Variants in EYA2 observed in about 807,000 individuals in gnomAD.
EYA2 encodes EYA transcriptional coactivator and phosphatase 2.
EYA2 carries 31 observed loss-of-function variants against 69.2 expected under a neutral mutation model. The ratio of observed to expected loss-of-function variants is 0.45; its 90% CI spans 0.34 to 0.60. The LOEUF is 0.60. EYA2 is among the 20% of genes least tolerant of loss of function. The pLI, the probability that EYA2 is intolerant of heterozygous loss-of-function variation, is 0.02. For missense variants in EYA2, 622 were observed against 701.2 expected, an observed-to-expected ratio of 0.89 and a Z score of 1.28; for synonymous variants, 257 against 279.4, an observed-to-expected ratio of 0.92 and a Z score of 0.80.
Position 47,172,589 on chromosome 20 carries a change from G to GAGGGGCTC in EYA2, c.1038-116_1038-109dup, listed in dbSNP as rs549732266. 543 of 1,008,874 alleles carry GAGGGGCTC rather than the reference G, an allele frequency of 5.4e-4. 4 individuals carry two copies. The South Asian group carries it at 8.8e-3, about 16-fold the overall frequency. 62.5% of individuals were successfully genotyped at this position (1,008,874 alleles called of 1,614,324 possible). A position where few individuals can be genotyped will look rare whatever the true frequency, so the allele number is the denominator to read the frequency against. On this transcript the variant is annotated intron_variant, in intron 11 of 15. Transcript: ENST00000327619. ...ACACTCGCAGCACCCTGTGCATTTC[G>GAGGGGCTC]AGGGGCTCATGGACACCCAAAAGCC...
At chr20:46,911,234 TG>T in intron 1 of EYA2, among the ~76,000 whole-genome samples, 1 of 93,044 alleles carries the variant, frequency 1.1e-5, no homozygotes, top group African/African-American at 4.8e-5. Flanking sequence ...GGATAATTTG[TG>T]TGTGTGTGTG....
intron 1 of EYA2, among the ~76,000 whole-genome samples, chr20:46,924,372 G>A (rs1217252536): frequency 6.6e-6 from 1 of 152,098 alleles, no homozygotes; most frequent in Non-Finnish European, 1.5e-5. Context: ...CTATCATTCA[G>A]AAAGGCCCCA....
At chr20:46,924,618 C>T (rs752407812) in intron 1 of EYA2, among the ~76,000 whole-genome samples, 8 of 137,144 alleles carry the variant, frequency 5.8e-5, no homozygotes, top group Non-Finnish European at 9.0e-5. Flanking sequence ...TGCAGTGAGC[C>T]GAAATCGCGC....
chr20:47,148,415 G>A (rs1289774317), intron 10 of EYA2, among the ~76,000 whole-genome samples: 1 of 152,210 alleles, frequency 6.6e-6, no homozygotes, highest in African/African-American at 2.4e-5. Context: ...GGATAGGCAA[G>A]TGGGGGTTCT....
chr20:46,949,407 C>CAG (rs1978665382), intron 1 of EYA2, among the ~76,000 whole-genome samples: 1 of 152,144 alleles, frequency 6.6e-6, no homozygotes, highest in Non-Finnish European at 1.5e-5. Flanking sequence ...ACAGTCAAGA[C>CAG]TTTCAGGTAA....
Position 46,948,645 on chromosome 20 carries a change from G to A in EYA2, c.-10-41356G>A, listed in dbSNP as rs533521745. On this transcript the variant is annotated intron_variant, in intron 1 of 15. Coordinates refer to ENST00000327619, the MANE Select transcript of EYA2 (RefSeq NM_005244.5). ...CTGTTTTTCTGGTGATAAATACTCT[G>A]TTCAAGATGCATACGTTATTGTGTT... 3.9e-5 allele frequency among the ~76,000 whole-genome samples: 6 copies of A among 152,266 alleles called. No individual in the cohort carries two copies. In the South Asian group the frequency reaches 1.2e-3, roughly 32 times the overall value.
At chr20:47,013,964 C>G (rs1375450888) in intron 4 of EYA2, among the ~76,000 whole-genome samples, 2 of 152,176 alleles carry the variant, frequency 1.3e-5, no homozygotes, top group African/African-American at 4.8e-5. Context: ...TCAGAGTTAT[C>G]CGCCAATTGC....
At chr20:47,004,901 A>G in intron 3 of EYA2, 41 bp from the exon 4 acceptor site, 1 of 1,614,116 alleles carries the variant, frequency 6.2e-7, no homozygotes, top group Non-Finnish European at 8.5e-7. Context: ...AAGGGGTGCC[A>G]GACTGGGCCT....
chr20:47,008,697 T>C (rs1045448542), intron 4 of EYA2, among the ~76,000 whole-genome samples: 12 of 152,232 alleles, frequency 7.9e-5, no homozygotes, highest in Admixed American at 2.6e-4. Context: ...GAGTAGATGA[T>C]AAGAGCACAT....
At chr20:47,010,425 A>G (rs1320708897) in intron 4 of EYA2, among the ~76,000 whole-genome samples, 1 of 152,130 alleles carries the variant, frequency 6.6e-6, no homozygotes, top group East Asian at 1.9e-4. Context: ...TGGTGGGCTC[A>G]GGTTCCAGGA....
intron 5 of EYA2, among the ~76,000 whole-genome samples, chr20:47,069,305 C>G (rs1315299502): frequency 6.6e-6 from 1 of 152,048 alleles, no homozygotes; most frequent in Non-Finnish European, 1.5e-5. Flanking sequence ...ACCAGCCTGG[C>G]CAACATAGTA....
At chr20:47,093,306 C>T (rs1362134138) in intron 8 of EYA2, among the ~76,000 whole-genome samples, 6 of 152,184 alleles carry the variant, frequency 3.9e-5, no homozygotes, top group African/African-American at 7.2e-5. Context: ...TGTCAGATCC[C>T]GGGGTCTGGG....
chr20:47,071,240 C>CCTCCTGAT (rs1400144870), intron 5 of EYA2, among the ~76,000 whole-genome samples: 1 of 152,122 alleles, frequency 6.6e-6, no homozygotes, highest in Non-Finnish European at 1.5e-5. Flanking sequence ...GAGCTCCTGA[C>CCTCCTGAT]CTCCTGATCC....
At chr20:47,155,314 G>T (rs553559409) in intron 10 of EYA2, among the ~76,000 whole-genome samples, 4 of 151,978 alleles carry the variant, frequency 2.6e-5, no homozygotes, top group African/African-American at 9.7e-5. Context: ...GGGATGAATC[G>T]CCTGGAGGTG....
At chr20:47,026,122 A>G (rs982702976) in intron 5 of EYA2, among the ~76,000 whole-genome samples, 3 of 152,234 alleles carry the variant, frequency 2.0e-5, no homozygotes, top group African/African-American at 7.2e-5. Context: ...AGGAGAACAA[A>G]TGGTCTCAGA....
At chr20:47,055,752 A>C (rs2030580029) in intron 5 of EYA2, among the ~76,000 whole-genome samples, 3 of 152,130 alleles carry the variant, frequency 2.0e-5, no homozygotes, top group African/African-American at 7.2e-5. Flanking sequence ...CTCCTCTAAG[A>C]GGTCTTCCAA....
At position 47,072,135 on chromosome 20, in the gene EYA2, GA is replaced by G. The variant is rs747982943; in HGVS notation, c.416-43del. 2.6e-5 allele frequency: 41 copies of G among 1,555,414 alleles called. 1 individual carries two copies. In the Middle Eastern group the frequency reaches 2.3e-3, roughly 89 times the overall value. ...GAAATGCTAACAACTGCTTTAAAGA[GA>G]AAAAAAGACAAGAACCCTAACCTGT... On this transcript the variant is annotated intron_variant, in intron 5 of 15. Transcript: ENST00000327619.
At chr20:47,163,134 A>G (rs1157354119) in intron 10 of EYA2, among the ~76,000 whole-genome samples, 4 of 151,112 alleles carry the variant, frequency 2.6e-5, no homozygotes, top group African/African-American at 9.7e-5. Context: ...GGCTCAAGCG[A>G]TCCTCCTTTC....
chr20:46,960,239 G>A (rs6090590), intron 1 of EYA2, among the ~76,000 whole-genome samples: 7,249 of 152,088 alleles, frequency 0.048, 205 homozygotes, highest in Middle Eastern at 0.065. Context: ...AGATGGACAC[G>A]GACACTATTA....
Sources: gnomAD v4.1 joint callset for allele counts (sites outside exome capture counted in the v4.1 genomes callset) on GRCh38, gnomAD v4.1.1 for gene constraint, MANE v1.5 for transcripts, NCBI Gene and HGNC (gene_info 2026-07-23, HGNC 2026-07-21) for gene names.